The following TRERF1 variants were observed in gnomAD, a reference collection of about 807,000 sequenced individuals.
TRERF1 encodes transcriptional regulating factor 1, also known as transcriptional-regulating factor 1.
In TRERF1, 27 loss-of-function variants were observed where a neutral mutation model predicts 122.9. That is an observed-to-expected ratio of 0.22 (90% CI 0.16 to 0.30). TRERF1 has a LOEUF of 0.30. Among genes scored for constraint, TRERF1 ranks in the 10% least tolerant of loss-of-function variants. The pLI, the probability that TRERF1 is intolerant of heterozygous loss-of-function variation, is 1.00. For missense variants in TRERF1, 1,248 were observed against 1,560.3 expected (o/e 0.80, Z 3.37); for synonymous variants, 636 against 641.7 (o/e 0.99, Z 0.13).
intron 2 of TRERF1, among the ~76,000 whole-genome samples, chr6:42,392,428 A>C (rs1407109694): frequency 6.6e-6 from 1 of 152,198 alleles, no homozygotes; most frequent in Non-Finnish European, 1.5e-5. Flanking sequence ...AACCAACGAT[A>C]AACGTTAGCT....
In TRERF1 at chr6:42,445,347, C is replaced by T. The variant is rs538463227; in HGVS notation, c.-454+5830G>A. Among the ~76,000 whole-genome samples the T allele has an allele frequency of 1.0e-2, 652 of 65,496 alleles. 7 individuals are homozygous for T. The highest frequency in any genetic ancestry group is 0.027 in the African/African-American group (629 of 23,126). The allele number at this position is 65,496 out of a possible 152,430, so 43.0% of individuals were successfully genotyped here. A position where few individuals can be genotyped will look rare whatever the true frequency, so the allele number is the denominator to read the frequency against. On this transcript the variant is annotated intron_variant, in intron 2 of 17. Coordinates refer to ENST00000372922, the Ensembl canonical transcript of TRERF1. Reference sequence around the variant, plus strand: ...CTTATCAGCCTCAGGAAACACTACACACACAGACACACACACACACACACA... The same window carrying T: ...CTTATCAGCCTCAGGAAACACTACATACACAGACACACACACACACACACA...
intron 4 of TRERF1, among the ~76,000 whole-genome samples, chr6:42,291,902 T>C (rs963720359): frequency 1.3e-5 from 2 of 152,234 alleles, no homozygotes; most frequent in East Asian, 3.9e-4. Context: ...ACAAATGGAT[T>C]AGATGACAAA....
chr6:42,280,967 C>T (rs566004771), intron 4 of TRERF1, among the ~76,000 whole-genome samples: 2 of 152,310 alleles, frequency 1.3e-5, no homozygotes, highest in South Asian at 4.1e-4. Context: ...TTCCCCCTCA[C>T]CTGAGATTCC....
intron 14 of TRERF1, among the ~76,000 whole-genome samples, chr6:42,243,924 G>A (rs1774266708): frequency 6.7e-6 from 1 of 148,362 alleles, no homozygotes; most frequent in Non-Finnish European, 1.5e-5. Context: ...TGTTGCCGAG[G>A]CTGGAGTGCA....
chr6:42,359,999 A>G (rs1771411097), intron 3 of TRERF1, among the ~76,000 whole-genome samples: 1 of 152,242 alleles, frequency 6.6e-6, no homozygotes, highest in Non-Finnish European at 1.5e-5. Context: ...AAATATTTTA[A>G]TACCTTTATT....
intron 2 of TRERF1, among the ~76,000 whole-genome samples, chr6:42,392,880 C>T (rs181876201): frequency 2.6e-3 from 398 of 151,780 alleles, no homozygotes; most frequent in African/African-American, 9.3e-3. Context: ...TCCTGAGAAA[C>T]GCTGGTAAGG....
intron 2 of TRERF1, among the ~76,000 whole-genome samples, chr6:42,432,090 C>T (rs1001819668): frequency 1.3e-5 from 2 of 152,162 alleles, no homozygotes; most frequent in African/African-American, 4.8e-5. Flanking sequence ...GTGACCTATT[C>T]CCTCATGCCT....
Position 42,322,697 on chromosome 6 carries a change from A to G in TRERF1, c.-370-21948T>C, listed in dbSNP as rs1000768618. On this transcript the variant is annotated intron_variant, in intron 3 of 17. Coordinates refer to ENST00000372922, the Ensembl canonical transcript of TRERF1. ...GCAGCATGCAGAGACTAAGTATGAG[A>G]CTAAGTATGAAGGGCAAGAAGGCAG... Among the ~76,000 whole-genome samples the G allele has an allele frequency of 8.5e-5, 13 of 152,220 alleles. No homozygotes were observed. The East Asian group carries it at 2.3e-3, about 27-fold the overall frequency.
rs1323337602 is a variant in TRERF1, at chr6:42,228,027, T to C, written c.*318A>G. On this transcript the variant is annotated 3_prime_UTR_variant, in exon 18 of 18. Coordinates refer to ENST00000372922, the Ensembl canonical transcript of TRERF1. The surrounding 1 kb of genome is among the most constrained non-coding windows in gnomAD (Gnocchi z 4.2). ...GCTTTGGGATAAAAGGCAACCGGGA[T>C]GGTTGACATCTGAATGCAATGGAAC... The C allele has an allele frequency of 4.4e-6, 1 of 227,784 alleles. No homozygotes were observed. The highest frequency in any genetic ancestry group is 8.5e-6 in the Non-Finnish European group (1 of 117,718). The allele number at this position is 227,784 out of a possible 1,614,324, so 14.1% of individuals were successfully genotyped here. A position where few individuals can be genotyped will look rare whatever the true frequency, so the allele number is the denominator to read the frequency against.
intron 2 of TRERF1, among the ~76,000 whole-genome samples, chr6:42,436,978 A>G (rs1785563335): frequency 6.6e-6 from 1 of 151,928 alleles, no homozygotes; most frequent in Admixed American, 6.6e-5. Flanking sequence ...GAACATTCTG[A>G]CCAGGAAAGG....
At chr6:42,310,547 G>A (rs1181127362) in intron 3 of TRERF1, among the ~76,000 whole-genome samples, 1 of 152,202 alleles carries the variant, frequency 6.6e-6, no homozygotes, top group African/African-American at 2.4e-5. Context: ...TCACAGTTGG[G>A]GGAGTTCTTC....
intron 13 of TRERF1, among the ~76,000 whole-genome samples, chr6:42,248,385 C>T (rs2149645601): frequency 6.6e-6 from 1 of 151,510 alleles, no homozygotes; most frequent in Admixed American, 6.6e-5. Flanking sequence ...TGGAGTCTTG[C>T]TCTGTCACCC....
rs1047158450 is a variant in TRERF1 at position 42,369,020 on chromosome 6, C to T, written c.-453-5941G>A. On this transcript the variant is annotated intron_variant, in intron 2 of 17. Coordinates refer to ENST00000372922, the Ensembl canonical transcript of TRERF1. ...CATTTCTGAAAAAAATTCCCAGGCT[C>T]CCCAAGATTCTGACACATTCAGTCT... 2.6e-5 allele frequency among the ~76,000 whole-genome samples: 4 copies of T among 152,174 alleles called. No homozygotes were observed. The South Asian group carries it at 6.2e-4, about 24-fold the overall frequency.
chr6:42,340,779 C>T (rs371002111), intron 3 of TRERF1, among the ~76,000 whole-genome samples: 1 of 152,188 alleles, frequency 6.6e-6, no homozygotes, highest in Non-Finnish European at 1.5e-5. Flanking sequence ...AAAAAGAAAA[C>T]TCTTCTCAGA....
intron 2 of TRERF1, among the ~76,000 whole-genome samples, chr6:42,429,070 T>C (rs1784090731): frequency 6.6e-6 from 1 of 152,194 alleles, no homozygotes; most frequent in Admixed American, 6.5e-5. Flanking sequence ...GCTGGGTGAA[T>C]GTTACTGAAC....
chr6:42,276,189 A>G lies in TRERF1; in HGVS notation c.-258-6341T>C, dbSNP rs1199407606. The stretch of plus-strand genomic sequence containing the variant: ...GACAAGGCCGCAGTCTGCAAGAAGG[A>G]TATCTGTCCTAAGGGCCACCCTTTG... On this transcript the variant is annotated intron_variant, in intron 4 of 17. Coordinates refer to ENST00000372922, the Ensembl canonical transcript of TRERF1. The surrounding 1 kb of genome is among the most constrained non-coding windows in gnomAD (Gnocchi z 4.3). 6.6e-6 allele frequency among the ~76,000 whole-genome samples: 1 copy of G among 152,162 alleles called. No individual in the cohort carries two copies. The highest frequency in any genetic ancestry group is 1.5e-5 in the Non-Finnish European group (1 of 68,024).
chr6:42,327,275 C>T (rs925046122), intron 3 of TRERF1, among the ~76,000 whole-genome samples: 1 of 152,272 alleles, frequency 6.6e-6, no homozygotes, highest in Admixed American at 6.5e-5. Context: ...GTGGTTTCAC[C>T]CATATATCTC....
intron 14 of TRERF1, among the ~76,000 whole-genome samples, chr6:42,245,156 C>T (rs542414911): frequency 1.3e-5 from 2 of 152,228 alleles, no homozygotes; most frequent in Admixed American, 6.5e-5. Context: ...CATCATCAGT[C>T]GCAAGTGTGG....
At chr6:42,342,102 C>T (rs1232792384) in intron 3 of TRERF1, among the ~76,000 whole-genome samples, 2 of 152,246 alleles carry the variant, frequency 1.3e-5, no homozygotes, top group Non-Finnish European at 2.9e-5. Flanking sequence ...GTCTACTGGG[C>T]TCCCCCTGAG....
Sources: allele counts gnomAD v4.1 joint callset (sites outside exome capture counted in the v4.1 genomes callset), GRCh38; gene constraint gnomAD v4.1.1; non-coding constraint Gnocchi (gnomAD v3.1); transcripts MANE v1.5; gene names NCBI Gene and HGNC (gene_info 2026-07-23, HGNC 2026-07-21).